ZBED4: variants seen among roughly 807,000 people sequenced by gnomAD.
The protein encoded by ZBED4 is zinc finger BED domain-containing protein 4.
Under a neutral mutation model 15.5 loss-of-function variants are expected in ZBED4, and 4 were observed. The observed-to-expected ratio is 0.26, with a 90% CI of 0.13 to 0.59. The LOEUF (loss-of-function observed/expected upper bound fraction) is 0.59, where lower values mean the gene tolerates loss of function less well. Ranked by LOEUF, ZBED4 falls within the 20% of genes least tolerant of loss-of-function variation. The pLI is 0.90. For synonymous variants in ZBED4, 692 were observed against 608.5 expected, an observed-to-expected ratio of 1.14 and a Z score of -2.02; for missense variants, 1,323 against 1,461.8, an observed-to-expected ratio of 0.91 and a Z score of 1.55.
chr22:49,880,322 C>T (rs1019921150), intron 1 of ZBED4, among the ~76,000 whole-genome samples: 19 of 152,204 alleles, frequency 1.2e-4, no homozygotes, highest in African/African-American at 1.7e-4. Flanking sequence ...AGGGTGGTTT[C>T]CTCAAATGCA....
chr22:49,872,675 G>A (rs1311139113), intron 1 of ZBED4, among the ~76,000 whole-genome samples: 2 of 151,644 alleles, frequency 1.3e-5, no homozygotes, highest in South Asian at 2.1e-4. Flanking sequence ...GACTGCAGGT[G>A]TATGCCACCA....
Position 49,885,922 on chromosome 22 carries a change from G to A in ZBED4, c.2260G>A (p.Glu754Lys), listed in dbSNP as rs746685270. The A allele has an allele frequency of 4.4e-6, 4 of 900,440 alleles. No individual in the cohort carries two copies. The highest frequency in any genetic ancestry group is 2.8e-5 in the South Asian group (2 of 70,548). The allele number at this position is 900,440 out of a possible 1,614,324, so 55.8% of individuals were successfully genotyped here. Residue 754 changes from glutamate (E) to lysine (K), a missense_variant, in exon 2 of 2, where the codon GAG becomes AAG. Coordinates refer to ENST00000216268, the MANE Select transcript of ZBED4 (RefSeq NM_014838.3). ...LTLTAHWVSF[E>K]SPARPRCDDH... ...CCTCACGGCCCACTGGGTTTCCTTC[G>A]AGTCGCCAGCCCGGCCGCGCTGTGA...
intron 1 of ZBED4, among the ~76,000 whole-genome samples, chr22:49,875,183 G>A (rs2060369718): frequency 6.6e-6 from 1 of 151,840 alleles, no homozygotes; most frequent in African/African-American, 2.4e-5. Context: ...CTGATATAAA[G>A]AATTGGGAGG....
At chr22:49,856,926 C>T (rs1336621789) in intron 1 of ZBED4, among the ~76,000 whole-genome samples, 7 of 152,184 alleles carry the variant, frequency 4.6e-5, no homozygotes, top group Non-Finnish European at 1.0e-4. Context: ...AGCCATGGCC[C>T]ATGTCTTTCC....
intron 1 of ZBED4, among the ~76,000 whole-genome samples, chr22:49,860,226 G>A (rs2060290956): frequency 6.6e-6 from 1 of 152,276 alleles, no homozygotes; most frequent in African/African-American, 2.4e-5. Flanking sequence ...TTGAGCCTGG[G>A]AGGTTGAGGC....
intron 1 of ZBED4, among the ~76,000 whole-genome samples, chr22:49,869,000 T>G (rs2060333689): frequency 6.6e-6 from 1 of 150,946 alleles, no homozygotes; most frequent in African/African-American, 2.4e-5. Flanking sequence ...GGTGTATGCC[T>G]GTAATCCGAG....
Position 49,885,384 on chromosome 22 carries a change from C to T in ZBED4, c.1722C>T (p.Ser574=), listed in dbSNP as rs1437387003. Residue 574 remains serine (S), a synonymous_variant, in exon 2 of 2, where the codon TCC becomes TCT. Transcript: ENST00000216268. ...WNHFSICSAD[S]TKVVCLHCGR... Reference sequence around the variant, plus strand: ...ATTTTTCTATTTGCTCCGCAGACTCCACAAAAGTCGTGTGCTTGCACTGTG... The same window carrying T: ...ATTTTTCTATTTGCTCCGCAGACTCTACAAAAGTCGTGTGCTTGCACTGTG... The T allele has an allele frequency of 6.3e-7, 1 of 1,596,984 alleles. No individual in the cohort carries two copies. Among genetic ancestry groups the T allele is most frequent in the Non-Finnish European group, 8.6e-7 (1 of 1,168,070 alleles).
At chr22:49,875,443 C>T (rs1175006536) in intron 1 of ZBED4, among the ~76,000 whole-genome samples, 4 of 142,376 alleles carry the variant, frequency 2.8e-5, no homozygotes, top group African/African-American at 1.0e-4. Context: ...TTTTTTGAGA[C>T]GGAGTCTTGC....
intron 1 of ZBED4, among the ~76,000 whole-genome samples, chr22:49,870,860 A>G (rs1184900570): frequency 2.6e-5 from 4 of 152,084 alleles, no homozygotes; most frequent in Non-Finnish European, 5.9e-5. Flanking sequence ...TGTTTCTGTT[A>G]CAATCCACTC....
Position 49,886,384 on chromosome 22 carries a change from G to A in ZBED4, c.2722G>A (p.Ala908Thr). ...CGAGCGGCTCATTGAGCAGAAAAGGGCCATTAACGAGATGTCCGTCGAGTG... is the reference window on the plus strand; with the variant it reads ...CGAGCGGCTCATTGAGCAGAAAAGGACCATTAACGAGATGTCCGTCGAGTG... ...MLERLIEQKRAINEMSVECNF... is the reference protein window; with the variant it reads ...MLERLIEQKRTINEMSVECNF... The change falls in exon 2 of 2, where the codon GCC becomes ACC. Residue 908 changes from alanine (A) to threonine (T), a missense_variant. This residue lies in a region of ZBED4 where 312 missense variants were observed against 410.7 expected (regional missense o/e 0.76). Coordinates refer to ENST00000216268, the MANE Select transcript of ZBED4 (RefSeq NM_014838.3). The surrounding 1 kb of genome is among the most constrained non-coding windows in gnomAD (Gnocchi z 7.7). 1 of 1,609,862 alleles carries A rather than the reference G, an allele frequency of 6.2e-7. No individual in the cohort carries two copies. The highest frequency in any genetic ancestry group is 8.5e-7 in the Non-Finnish European group (1 of 1,176,998).
upstream of ZBED4, chr22:49,853,154 C>G (rs995983624): frequency 2.6e-5 from 4 of 152,412 alleles, no homozygotes; most frequent in Admixed American, 6.5e-5. Context: ...TCTGCTCAAA[C>G]ATTTGTGTTA....
chr22:49,859,887 C>T (rs917971665), intron 1 of ZBED4, among the ~76,000 whole-genome samples: 2 of 150,678 alleles, frequency 1.3e-5, no homozygotes, highest in Middle Eastern at 3.2e-3. Context: ...ATCAGCTGGG[C>T]ATGATGGTAT....
At chr22:49,879,499 A>G (rs12170541) in intron 1 of ZBED4, among the ~76,000 whole-genome samples, 1,551 of 151,832 alleles carry the variant, frequency 0.01, 26 homozygotes, top group African/African-American at 0.036. Context: ...ATCCGCTCTT[A>G]CAATAGCTGT....
In ZBED4 at chr22:49,883,490, A is replaced by T; in HGVS notation, c.-173A>T. 1 of 869,398 alleles carries T rather than the reference A, an allele frequency of 1.2e-6. No homozygotes were observed. The highest frequency in any genetic ancestry group is 2.4e-5 in the South Asian group (1 of 41,152). 53.9% of individuals were successfully genotyped at this position (869,398 alleles called of 1,614,324 possible). A position where few individuals can be genotyped will look rare whatever the true frequency, so the allele number is the denominator to read the frequency against. Reference sequence around the variant, plus strand: ...CAGTGATCTATGCTGTAAGACCATGAGTCACAGATTCTTTTTTTCAGTACT... The same window carrying T: ...CAGTGATCTATGCTGTAAGACCATGTGTCACAGATTCTTTTTTTCAGTACT... On this transcript the variant is annotated 5_prime_UTR_variant, in exon 2 of 2. Coordinates refer to ENST00000216268, the MANE Select transcript of ZBED4 (RefSeq NM_014838.3).
In ZBED4 at chr22:49,860,965, G is replaced by A. The variant is rs561542648; in HGVS notation, c.-330+6976G>A. ...AGCTAATTTTTTGTACTTTAGTAGA[G>A]ATGGGGTTTCACTATGTTGCCCAGG... On this transcript the variant is annotated intron_variant, in intron 1 of 1. Transcript: ENST00000216268. Among the ~76,000 whole-genome samples the A allele has an allele frequency of 1.6e-3, 241 of 147,436 alleles. 1 individual carries two copies. Among genetic ancestry groups the A allele is most frequent in the Non-Finnish European group, 2.7e-3 (182 of 66,818 alleles).
intron 1 of ZBED4, among the ~76,000 whole-genome samples, chr22:49,856,874 C>T (rs1247773918): frequency 1.3e-5 from 2 of 151,390 alleles, no homozygotes; most frequent in Admixed American, 6.6e-5. Context: ...CGCTGCAATG[C>T]CAGCCAGCTT....
chr22:49,874,360 T>C (rs2060364392), intron 1 of ZBED4, among the ~76,000 whole-genome samples: 1 of 152,120 alleles, frequency 6.6e-6, no homozygotes, highest in South Asian at 2.1e-4. Flanking sequence ...CCATATGGTT[T>C]TCCTCCTTTT....
chr22:49,862,693 CTTTTTTTTTTT>C (rs66520307), intron 1 of ZBED4, among the ~76,000 whole-genome samples: 1 of 58,988 alleles, frequency 1.7e-5, no homozygotes, highest in Non-Finnish European at 3.3e-5. Context: ...TAAGTTTTTC[CTTTTTTTTTTT>C]TTTTTTTTTT....
rs1156390726 is a variant in ZBED4, at chr22:49,887,280, G to C, written c.*102G>C. Reference sequence around the variant, plus strand: ...CTGCCCACGGCTGTGTACGACATCAGACCAGGCACTCTCAGGGCCGCTCTC... The same window carrying C: ...CTGCCCACGGCTGTGTACGACATCACACCAGGCACTCTCAGGGCCGCTCTC... On this transcript the variant is annotated 3_prime_UTR_variant, in exon 2 of 2. Transcript: ENST00000216268. 1.2e-5 allele frequency: 15 copies of C among 1,290,424 alleles called. No individual in the cohort carries two copies. The highest frequency in any genetic ancestry group is 1.6e-5 in the Non-Finnish European group (15 of 936,500). 79.9% of individuals were successfully genotyped at this position (1,290,424 alleles called of 1,614,324 possible).
Sources: allele counts gnomAD v4.1 joint callset (sites outside exome capture counted in the v4.1 genomes callset), GRCh38; gene constraint gnomAD v4.1.1; regional missense constraint gnomAD v4.1.1; non-coding constraint Gnocchi (gnomAD v3.1); transcripts MANE v1.5; gene names NCBI Gene and HGNC (gene_info 2026-07-23, HGNC 2026-07-21).